Variants in TLK1 observed in about 807,000 individuals in gnomAD.
TLK1 encodes tousled like kinase 1.
TLK1 carries 24 observed loss-of-function variants against 105.3 expected under a neutral mutation model. The observed-to-expected ratio is 0.23, with a 90% CI of 0.17 to 0.32. The LOEUF is 0.32. Ranked by LOEUF, TLK1 falls within the 10% of genes least tolerant of loss-of-function variation. The pLI is 1.00. For missense variants in TLK1, 558 were observed against 910.5 expected, an observed-to-expected ratio of 0.61 and a Z score of 4.98; for synonymous variants, 321 against 310.4, an observed-to-expected ratio of 1.03 and a Z score of -0.36.
intron 1 of TLK1, among the ~76,000 whole-genome samples, chr2:171,190,509 A>T (rs1437259781): frequency 6.6e-6 from 1 of 152,242 alleles, no homozygotes; most frequent in East Asian, 1.9e-4. Context: ...AAAGTTTTCC[A>T]AAGTTTGACA....
intron 2 of TLK1, among the ~76,000 whole-genome samples, chr2:171,096,514 T>A (rs1689459552): frequency 6.6e-6 from 1 of 152,090 alleles, no homozygotes; most frequent in Admixed American, 6.6e-5. Context: ...CCCAGCACAT[T>A]GGGAGGCCAA....
At chr2:171,119,784 G>A (rs7587244) in intron 1 of TLK1, among the ~76,000 whole-genome samples, 38,429 of 152,092 alleles carry the variant, frequency 0.25, 5,116 homozygotes, top group Middle Eastern at 0.35. Context: ...AATAAATTGA[G>A]TTGGATCCTT....
At chr2:171,145,778 G>T (rs1691769811) in intron 1 of TLK1, among the ~76,000 whole-genome samples, 2 of 152,214 alleles carry the variant, frequency 1.3e-5, no homozygotes, top group South Asian at 4.2e-4. Flanking sequence ...AAATAATGTG[G>T]ATGAATCTTA....
intron 1 of TLK1, among the ~76,000 whole-genome samples, chr2:171,169,144 A>G (rs551398371): frequency 6.6e-6 from 1 of 152,278 alleles, no homozygotes; most frequent in East Asian, 1.9e-4. Context: ...GGAAGAAACA[A>G]TCTTAAATTA....
intron 1 of TLK1, among the ~76,000 whole-genome samples, chr2:171,128,548 T>C (rs1309927712): frequency 6.6e-6 from 1 of 152,000 alleles, no homozygotes; most frequent in Admixed American, 6.5e-5. Context: ...GCATATATAA[T>C]GTAATAAGCC....
At chr2:171,212,413 G>A (rs1420185729) in intron 1 of TLK1, among the ~76,000 whole-genome samples, 1 of 151,840 alleles carries the variant, frequency 6.6e-6, no homozygotes, top group Admixed American at 6.6e-5. Flanking sequence ...TTTATATCTG[G>A]TAATAGGTCC....
At chr2:171,075,890 C>T (rs747726391) in intron 3 of TLK1, among the ~76,000 whole-genome samples, 10 of 152,056 alleles carry the variant, frequency 6.6e-5, no homozygotes, top group Non-Finnish European at 1.3e-4. Context: ...CTGAAGTTCA[C>T]GTAGAAACTT....
At chr2:171,222,512 TG>T (rs1693826966) in intron 1 of TLK1, among the ~76,000 whole-genome samples, 1 of 152,136 alleles carries the variant, frequency 6.6e-6, no homozygotes, top group East Asian at 1.9e-4. Context: ...TTTTGTATTT[TG>T]TAGAGACAGG....
intron 1 of TLK1, among the ~76,000 whole-genome samples, chr2:171,132,752 A>G (rs1380535173): frequency 6.6e-6 from 1 of 152,180 alleles, no homozygotes; most frequent in Non-Finnish European, 1.5e-5. Flanking sequence ...GGTGATCCCA[A>G]CTACTCAAGA....
chr2:171,093,598 G>A (rs1215740448), intron 2 of TLK1, among the ~76,000 whole-genome samples: 1 of 151,918 alleles, frequency 6.6e-6, no homozygotes, highest in Non-Finnish European at 1.5e-5. Context: ...ACAGTGGTAA[G>A]GTAGGAATCC....
At chr2:171,106,981 T>C (rs1056336256) in intron 2 of TLK1, among the ~76,000 whole-genome samples, 2 of 152,226 alleles carry the variant, frequency 1.3e-5, no homozygotes, top group South Asian at 2.1e-4. Flanking sequence ...AAATCAGGAT[T>C]CAGATTCACA....
chr2:171,138,733 T>C (rs1691446335), intron 1 of TLK1, among the ~76,000 whole-genome samples: 1 of 152,118 alleles, frequency 6.6e-6, no homozygotes, highest in Non-Finnish European at 1.5e-5. Context: ...CAAATATATG[T>C]AGTAAGTAAA....
intron 2 of TLK1, among the ~76,000 whole-genome samples, chr2:171,086,247 T>C (rs375414819): frequency 3.3e-5 from 5 of 152,090 alleles, no homozygotes; most frequent in East Asian, 1.9e-4. Context: ...GATAACTATA[T>C]ATAAATCCTG....
chr2:171,210,053 T>A lies in TLK1; in HGVS notation c.-6+21092A>T, dbSNP rs916669674. ...TAATCAGGTAAATCAAAATACAGTG[T>A]CATGTCTTCATTTATGTTTATTTAC... On this transcript the variant is annotated intron_variant, in intron 1 of 20. Transcript: ENST00000521943. Among the ~76,000 whole-genome samples, 8 of 152,156 alleles carry A rather than the reference T, an allele frequency of 5.3e-5. No homozygotes were observed. The East Asian group carries it at 1.3e-3, about 26-fold the overall frequency.
At chr2:171,008,875 C>CA (rs1684769073) in intron 14 of TLK1, among the ~76,000 whole-genome samples, 1 of 152,138 alleles carries the variant, frequency 6.6e-6, no homozygotes, top group Non-Finnish European at 1.5e-5. Flanking sequence ...AAAATACAAC[C>CA]AGGCAGTAGC....
intron 1 of TLK1, among the ~76,000 whole-genome samples, chr2:171,156,611 A>G (rs947023677): frequency 6.6e-6 from 1 of 152,234 alleles, no homozygotes; most frequent in Non-Finnish European, 1.5e-5. Flanking sequence ...TAAAGGAGAC[A>G]TCTGTCACAT....
intron 2 of TLK1, among the ~76,000 whole-genome samples, chr2:171,117,324 C>T (rs1002820382): frequency 2.6e-5 from 4 of 152,196 alleles, no homozygotes; most frequent in Admixed American, 2.0e-4. Flanking sequence ...TCACCTCCTG[C>T]TGTGTGGCCG....
upstream of TLK1, among the ~76,000 whole-genome samples, chr2:171,165,623 AG>A (rs1324286585): frequency 1.3e-5 from 2 of 152,214 alleles, no homozygotes; most frequent in African/African-American, 4.8e-5. Flanking sequence ...ACAAGAAATT[AG>A]CCCAGAGGCT....
chr2:171,069,467 T>C (rs1324584630), intron 3 of TLK1, among the ~76,000 whole-genome samples: 4 of 152,224 alleles, frequency 2.6e-5, no homozygotes, highest in Non-Finnish European at 5.9e-5. Context: ...TGGCAATACC[T>C]AGAGGCATTT....
Sources: allele counts gnomAD v4.1 joint callset (sites outside exome capture counted in the v4.1 genomes callset), GRCh38; gene constraint gnomAD v4.1.1; transcripts MANE v1.5; gene names NCBI Gene and HGNC (gene_info 2026-07-23, HGNC 2026-07-21).